Variants in NBEAL1 observed in about 807,000 individuals in gnomAD.
NBEAL1 encodes the protein neurobeachin like 1.
NBEAL1 carries 273 observed loss-of-function variants against 351.3 expected under a neutral mutation model. The observed-to-expected ratio is 0.78, with a 90% CI of 0.70 to 0.86. The LOEUF is 0.86. Ranked by LOEUF, NBEAL1 falls within the 40% of genes least tolerant of loss-of-function variation. The probability of loss-of-function intolerance (pLI) is 0.00; values close to 1 mark genes in which losing one functional copy is unlikely to be tolerated. For missense variants in NBEAL1, 2,961 were observed against 3,201.3 expected (o/e 0.92, Z 1.81); for synonymous variants, 1,050 against 1,086.4 (o/e 0.97, Z 0.66).
intron 12 of NBEAL1, among the ~76,000 whole-genome samples, chr2:203,105,147 C>A (rs1437302745): frequency 6.6e-6 from 1 of 151,962 alleles, no homozygotes; most frequent in Non-Finnish European, 1.5e-5. Flanking sequence ...TGAGCCACTG[C>A]ACCCAGCCTC....
At chr2:203,136,509 G>T in intron 28 of NBEAL1, 90 bp from the exon 29 acceptor site, 1 of 948,840 alleles carries the variant, frequency 1.1e-6, no homozygotes, top group South Asian at 1.9e-5. Context: ...TATGTTAAAT[G>T]ATTACAATGA....
At chr2:203,185,346 T>C (rs996797168) in intron 44 of NBEAL1, among the ~76,000 whole-genome samples, 1 of 152,188 alleles carries the variant, frequency 6.6e-6, no homozygotes, top group Non-Finnish European at 1.5e-5. Flanking sequence ...TATTACTGAG[T>C]AACAAACTGT....
At chr2:203,134,973 C>T (rs922902329) in intron 27 of NBEAL1, among the ~76,000 whole-genome samples, 4 of 152,004 alleles carry the variant, frequency 2.6e-5, no homozygotes, top group African/African-American at 7.2e-5. Context: ...GTCAGGAGTT[C>T]GAGACCAGCC....
intron 33 of NBEAL1, among the ~76,000 whole-genome samples, chr2:203,148,372 A>G (rs144157692): frequency 6.6e-6 from 1 of 152,172 alleles, no homozygotes; most frequent in Non-Finnish European, 1.5e-5. Flanking sequence ...ATGTATTTTT[A>G]ACCACACATT....
In NBEAL1 at chr2:203,210,943, C is replaced by A; in HGVS notation, c.7786-15C>A. The A allele has an allele frequency of 1.3e-6, 2 of 1,495,200 alleles. No individual in the cohort carries two copies. Among genetic ancestry groups the A allele is most frequent in the South Asian group, 2.7e-5 (2 of 72,994 alleles). The allele number at this position is 1,495,200 out of a possible 1,614,324, so 92.6% of individuals were successfully genotyped here. The stretch of plus-strand genomic sequence containing the variant: ...TTTTATTTGAAATTGTTGAATTTTC[C>A]TTAATTCTTTTCAGGATAAGAATGC... On this transcript the variant is annotated splice_polypyrimidine_tract_variant and intron_variant, in intron 53 of 55. Coordinates refer to ENST00000683969, the MANE Select transcript of NBEAL1 (RefSeq NM_001378026.1).
At chr2:203,152,170 C>G (rs944549076) in intron 35 of NBEAL1, among the ~76,000 whole-genome samples, 1 of 150,748 alleles carries the variant, frequency 6.6e-6, no homozygotes, top group Non-Finnish European at 1.5e-5. Flanking sequence ...GTTGGCCAGG[C>G]TGGTCTCCAA....
intron 19 of NBEAL1, among the ~76,000 whole-genome samples, chr2:203,123,731 A>G (rs1409794224): frequency 6.6e-6 from 1 of 152,192 alleles, no homozygotes; most frequent in East Asian, 1.9e-4. Flanking sequence ...GGTTTTACAA[A>G]GCTGATTCCA....
chr2:203,189,320 A>G (rs188837646), intron 45 of NBEAL1, among the ~76,000 whole-genome samples: 1 of 152,342 alleles, frequency 6.6e-6, no homozygotes, highest in East Asian at 1.9e-4. Context: ...GAGTTTGGCT[A>G]TCATAACCAA....
chr2:203,084,625 G>C, intron 10 of NBEAL1, 56 bp downstream of exon 10: 3 of 1,038,260 alleles, frequency 2.9e-6, no homozygotes, highest in Non-Finnish European at 4.1e-6. Flanking sequence ...TTTTGTTTTT[G>C]TTTTGATTCA....
rs572989987 is a variant in NBEAL1 at position 203,131,999 on chromosome 2, G to A, written c.3591G>A (p.Thr1197=). The part of the protein sequence containing the change: ...FKIMEQMLKC[T]NVYERSKQHI... ...TTATGGAACAAATGTTGAAATGCAC[G>A]AACGTTTATGAGCGTAGTAAACAAC... The change falls in exon 26 of 56, where the codon ACG becomes ACA. Residue 1197 remains threonine (T), a synonymous_variant. Coordinates refer to ENST00000683969, the MANE Select transcript of NBEAL1 (RefSeq NM_001378026.1). The A allele has an allele frequency of 1.6e-4, 249 of 1,546,866 alleles. No individual in the cohort carries two copies. The highest frequency in any genetic ancestry group is 1.8e-4 in the Non-Finnish European group (203 of 1,144,798).
intron 8 of NBEAL1, among the ~76,000 whole-genome samples, chr2:203,080,032 T>G (rs1418200642): frequency 6.6e-6 from 1 of 152,212 alleles, no homozygotes; most frequent in African/African-American, 2.4e-5. Context: ...TGACTTTATG[T>G]ATTTGGGAGA....
chr2:203,184,074 T>TAAAAAAAAAAAAAA (rs1170251389), intron 44 of NBEAL1, among the ~76,000 whole-genome samples: 13 of 87,990 alleles, frequency 1.5e-4, no homozygotes, highest in Non-Finnish European at 2.4e-4. Flanking sequence ...CGAGACTGTC[T>TAAAAAAAAAAAAAA]AAAAAAAAAA....
At chr2:203,168,934 T>C (rs2064230452) in intron 38 of NBEAL1, among the ~76,000 whole-genome samples, 2 of 151,924 alleles carry the variant, frequency 1.3e-5, no homozygotes, top group Admixed American at 1.3e-4. Context: ...ATTATTCCTT[T>C]TTTAATAGTT....
rs528188410 is a variant in NBEAL1 at position 203,092,192 on chromosome 2, G to A, written c.1099-5355G>A. Among the ~76,000 whole-genome samples the A allele has an allele frequency of 5.3e-5, 8 of 152,188 alleles. No individual in the cohort carries two copies. The South Asian group carries it at 1.7e-3, about 32-fold the overall frequency. On this transcript the variant is annotated intron_variant, in intron 10 of 55. Coordinates refer to ENST00000683969, the MANE Select transcript of NBEAL1 (RefSeq NM_001378026.1). ...GAAAAATAGCAGAAATATGGTTAAG[G>A]TTCTTGATATACATGCAATTTGCTT...
At chr2:203,168,575 C>T (rs991757273) in intron 38 of NBEAL1, among the ~76,000 whole-genome samples, 2 of 151,090 alleles carry the variant, frequency 1.3e-5, no homozygotes, top group Admixed American at 1.3e-4. Flanking sequence ...AAGAGTGAAA[C>T]TCTGTCTCCA....
In NBEAL1 at chr2:203,016,350, TA is replaced by T; in HGVS notation, c.-33del. On this transcript the variant is annotated 5_prime_UTR_variant, in exon 2 of 56. Coordinates refer to ENST00000683969, the MANE Select transcript of NBEAL1 (RefSeq NM_001378026.1). ...GCTGTAGTCTTGAACATAATTTTTTTAAGGAAAACTTAAAGTGCCAGAGTGA... is the reference window on the plus strand; with the variant it reads ...GCTGTAGTCTTGAACATAATTTTTTTAGGAAAACTTAAAGTGCCAGAGTGA... The T allele has an allele frequency of 7.0e-7, 1 of 1,424,008 alleles. No individual in the cohort carries two copies. Among genetic ancestry groups the T allele is most frequent in the Non-Finnish European group, 9.4e-7 (1 of 1,065,610 alleles). 88.2% of individuals were successfully genotyped at this position (1,424,008 alleles called of 1,614,324 possible).
chr2:203,138,316 G>A lies in NBEAL1; in HGVS notation c.4719+1G>A. 6.2e-7 allele frequency: 1 copy of A among 1,604,820 alleles called. No homozygotes were observed. The highest frequency in any genetic ancestry group is 8.5e-7 in the Non-Finnish European group (1 of 1,177,852). The stretch of plus-strand genomic sequence containing the variant: ...TAATTCAAACATGTGGACCGAGAAG[G>A]TGCAGTAATATCTCTTTAAAATTAT... On this transcript the variant is annotated splice_donor_variant, in intron 30 of 55. Transcript: ENST00000683969. LOFTEE classifies it high-confidence loss of function.
At chr2:203,190,188 AC>A in intron 45 of NBEAL1, 103 bp from the exon 46 acceptor site, 3 of 630,264 alleles carry the variant, frequency 4.8e-6, no homozygotes, top group East Asian at 2.6e-5. Context: ...ACACACACAC[AC>A]ACACACACAC....
intron 55 of NBEAL1, among the ~76,000 whole-genome samples, chr2:203,215,700 A>G (rs1444289834): frequency 1.3e-5 from 2 of 151,716 alleles, no homozygotes; most frequent in African/African-American, 4.8e-5. Context: ...AAAAAAAAAA[A>G]AGAAAAGTGA....
Sources: gnomAD v4.1 joint callset for allele counts (sites outside exome capture counted in the v4.1 genomes callset) on GRCh38, gnomAD v4.1.1 for gene constraint, MANE v1.5 for transcripts, NCBI Gene and HGNC (gene_info 2026-07-23, HGNC 2026-07-21) for gene names.